SRCAP: variants seen among roughly 807,000 people sequenced by gnomAD.
The protein encoded by SRCAP is Snf2 related CREBBP activator protein, also known as chromatin remodeling protein SRCAP.
Under a neutral mutation model 263.1 loss-of-function variants are expected in SRCAP, and 46 were observed. That is an observed-to-expected ratio of 0.17 (90% CI 0.14 to 0.22). SRCAP has a LOEUF of 0.22. Among genes scored for constraint, SRCAP ranks in the 10% least tolerant of loss-of-function variants. The probability of loss-of-function intolerance (pLI) is 1.00; values close to 1 mark genes in which losing one functional copy is unlikely to be tolerated. For missense variants in SRCAP, 3,695 were observed against 4,181.9 expected, an observed-to-expected ratio of 0.88 and a Z score of 3.21; for synonymous variants, 1,813 against 1,662.1, an observed-to-expected ratio of 1.09 and a Z score of -2.21.
In SRCAP at chr16:30,729,495, G is replaced by A. The variant is rs754274438; in HGVS notation, c.6050G>A (p.Arg2017Gln). ...CAATTGGCCTCTGAGCTCTGGCCCCGGGCTCGTCCTTTGCACCGTATTGTG... is the reference window on the plus strand; with the variant it reads ...CAATTGGCCTCTGAGCTCTGGCCCCAGGCTCGTCCTTTGCACCGTATTGTG... ...QEQLASELWP[R>Q]ARPLHRIVCN... The change falls in exon 27 of 34, where the codon CGG (arginine) becomes CAG (glutamine). Residue 2017 changes from arginine (R) to glutamine (Q), a missense_variant. Arg to Gln is a conservative substitution (Grantham distance 43). Transcript: ENST00000262518. 2.7e-5 allele frequency: 44 copies of A among 1,614,022 alleles called. No individual in the cohort carries two copies. Among genetic ancestry groups the A allele is most frequent in the Middle Eastern group, 3.3e-4 (2 of 6,084 alleles).
intron 4 of SRCAP, among the ~76,000 whole-genome samples, chr16:30,705,256 T>A (rs1294108224): frequency 6.6e-6 from 1 of 152,048 alleles, no homozygotes; most frequent in Non-Finnish European, 1.5e-5. Flanking sequence ...CCTGAGATGA[T>A]GCCACTGCAC....
At chr16:30,711,180 C>T in intron 10 of SRCAP, 92 bp downstream of exon 10, 2 of 945,030 alleles carry the variant, frequency 2.1e-6, no homozygotes, top group Admixed American at 4.0e-5. Context: ...ACTTTGTATC[C>T]ACCCTGGAGG....
At chr16:30,731,436 C>T (rs781665477) in intron 27 of SRCAP, among the ~76,000 whole-genome samples, 6 of 151,834 alleles carry the variant, frequency 4.0e-5, no homozygotes, top group Admixed American at 6.6e-5. Context: ...TAACATGTTT[C>T]GAGATTTTTT....
chr16:30,726,732 G>A (rs2053068036), intron 25 of SRCAP, among the ~76,000 whole-genome samples: 1 of 151,982 alleles, frequency 6.6e-6, no homozygotes, highest in African/African-American at 2.4e-5. Context: ...ACAGAATCTT[G>A]CTCTGTTGCC....
chr16:30,729,719 T>C (rs1009431035), intron 27 of SRCAP, 147 bp downstream of exon 27: 20 of 861,000 alleles, frequency 2.3e-5, no homozygotes, highest in Non-Finnish European at 2.7e-5. Flanking sequence ...ATGGGCAAGA[T>C]AGAGAAATGT....
At chr16:30,700,579 A>G (rs1220903905) in intron 2 of SRCAP, 37 bp from the exon 3 acceptor site, 3 of 414,012 alleles carry the variant, frequency 7.2e-6, no homozygotes, top group Non-Finnish European at 1.3e-5. Flanking sequence ...CTTTAACTGC[A>G]TTTCTGTCTT....
intron 33 of SRCAP, 22 bp downstream of exon 33, chr16:30,736,646 G>T: frequency 2.5e-6 from 4 of 1,611,602 alleles, no homozygotes; most frequent in Non-Finnish European, 3.4e-6. Context: ...CAGGGGTGGG[G>T]CTGGCAGTTG....
At position 30,724,063 on chromosome 16, in the gene SRCAP, C is replaced by T; in HGVS notation, c.4639C>T (p.Pro1547Ser). 1 of 1,613,788 alleles carries T rather than the reference C, an allele frequency of 6.2e-7. No homozygotes were observed. The highest frequency in any genetic ancestry group is 8.5e-7 in the Non-Finnish European group (1 of 1,180,028). The change falls in exon 25 of 34, where the codon CCT (proline) becomes TCT (serine). Residue 1547 changes from proline (P) to serine (S), a missense_variant. Physicochemically the swap from Pro to Ser is moderately conservative, Grantham distance 74. This residue lies in a region of SRCAP where 1,347 missense variants were observed against 1,304.4 expected (regional missense o/e 1.03). Coordinates refer to ENST00000262518, the MANE Select transcript of SRCAP (RefSeq NM_006662.3). ...CTCAACCGTGGCCCCAGCATGCTCA[C>T]CTGTCCTGGTGCCAGCTTCGGCTCT... ...LNSTVAPACSPVLVPASALAS... is the reference protein window; with the variant it reads ...LNSTVAPACSSVLVPASALAS...
intron 4 of SRCAP, among the ~76,000 whole-genome samples, chr16:30,704,745 G>T (rs76680831): frequency 1.3e-5 from 2 of 152,078 alleles, no homozygotes; most frequent in African/African-American, 4.8e-5. Context: ...AGGAGCCTGA[G>T]TTGAGAGGAT....
chr16:30,734,487 A>G lies in SRCAP; in HGVS notation c.6610-9A>G, dbSNP rs2053141201. Reference sequence around the variant, plus strand: ...TGACTCTGACACTTCCCTCTGTTCTATCCGATAGCAGACCATCCGAGAGCT... The same window carrying G: ...TGACTCTGACACTTCCCTCTGTTCTGTCCGATAGCAGACCATCCGAGAGCT... On this transcript the variant is annotated splice_polypyrimidine_tract_variant and intron_variant, in intron 30 of 33. Coordinates refer to ENST00000262518, the MANE Select transcript of SRCAP (RefSeq NM_006662.3). The G allele has an allele frequency of 6.2e-7, 1 of 1,613,938 alleles. No individual in the cohort carries two copies. The highest frequency in any genetic ancestry group is 8.5e-7 in the Non-Finnish European group (1 of 1,179,970).
At chr16:30,707,777 G>A (rs750152871) in intron 6 of SRCAP, 65 bp downstream of exon 6, 79 of 1,580,886 alleles carry the variant, frequency 5.0e-5, no homozygotes, top group Non-Finnish European at 6.2e-5. Flanking sequence ...CGTGGTAGTA[G>A]GAATGATCAA....
chr16:30,733,520 C>T lies in SRCAP; in HGVS notation c.6297+71C>T, dbSNP rs1026487635. The T allele has an allele frequency of 6.2e-7, 1 of 1,605,872 alleles. No individual in the cohort carries two copies. Among genetic ancestry groups the T allele is most frequent in the Admixed American group, 1.7e-5 (1 of 59,446 alleles). On this transcript the variant is annotated intron_variant, in intron 28 of 33. Coordinates refer to ENST00000262518, the MANE Select transcript of SRCAP (RefSeq NM_006662.3). This position sits in a 1 kb window ranked among gnomAD's most constrained non-coding sequence, Gnocchi z 5.3. ...TCTCCTTTTCCCAGGATTTGGGCTT[C>T]CAGACGGGGTGCCACTAAGCCTTTA...
At chr16:30,710,877 C>A (rs1245954922) in intron 9 of SRCAP, 30 bp downstream of exon 9, 2 of 1,610,410 alleles carry the variant, frequency 1.2e-6, no homozygotes, top group Admixed American at 3.3e-5. Context: ...TCCTATTGCC[C>A]CTTACCCCTT....
intron 16 of SRCAP, among the ~76,000 whole-genome samples, chr16:30,715,602 A>G (rs1205209844): frequency 6.6e-6 from 1 of 151,734 alleles, no homozygotes; most frequent in African/African-American, 2.4e-5. Flanking sequence ...GTCTTCCTTA[A>G]CTATTACTTT....
chr16:30,710,824 A>G lies in SRCAP; in HGVS notation c.1205A>G (p.Glu402Gly). Residue 402 changes from glutamate (E) to glycine (G), a missense_variant, in exon 9 of 34, where the codon GAG (glutamate) becomes GGG (glycine). Coordinates refer to ENST00000262518, the MANE Select transcript of SRCAP (RefSeq NM_006662.3). The part of the protein sequence containing the change: ...QPWHPDEDDE[E>G]FTANEEEAED... ...TGGCATCCAGATGAAGATGATGAAG[A>G]GTTTACTGCCAACGAAGAGGAAGGT... is the stretch of plus-strand genomic sequence containing the variant. 6.2e-7 allele frequency: 1 copy of G among 1,614,220 alleles called. No individual in the cohort carries two copies. Among genetic ancestry groups the G allele is most frequent in the Non-Finnish European group, 8.5e-7 (1 of 1,180,032 alleles).
In SRCAP at chr16:30,721,436, G is replaced by A. The variant is rs1210081631; in HGVS notation, c.3501G>A (p.Gln1167=). 6.2e-7 allele frequency: 1 copy of A among 1,612,582 alleles called. No homozygotes were observed. The highest frequency in any genetic ancestry group is 1.3e-5 in the African/African-American group (1 of 74,946). Residue 1167 remains glutamine (Q), a synonymous_variant, in exon 21 of 34, where the codon CAG becomes CAA. Transcript: ENST00000262518. ...TAVPAPTPAP[Q]RLILSPDMQA... ...TGCCAGCTCCGACTCCTGCACCACA[G>A]CGCCTCATTCTATCTCCCGATATGC...
chr16:30,712,576 T>C, intron 13 of SRCAP, 103 bp from the exon 14 acceptor site: 1 of 1,557,586 alleles, frequency 6.4e-7, no homozygotes. Context: ...GTGTAGGTGC[T>C]AGGATTCCTA....
At position 30,738,851 on chromosome 16, in the gene SRCAP, A is replaced by G. The variant is rs771344186; in HGVS notation, c.8811A>G (p.Arg2937=). The G allele has an allele frequency of 2.8e-5, 45 of 1,614,014 alleles. No individual in the cohort carries two copies. In the African/African-American group the frequency reaches 5.3e-4, roughly 19 times the overall value. ...CCCTCCTGTCACCTGTGGAGAAAAG[A>G]AGGCGAGGACGACCCCCTAAAGCAC... is the stretch of plus-strand genomic sequence containing the variant. ...PNPLLSPVEK[R]RRGRPPKARD... The change falls in exon 34 of 34, where the codon AGA becomes AGG. Residue 2937 remains arginine, a synonymous_variant. Transcript: ENST00000262518.
chr16:30,699,450 G>A (rs1434348219), intron 1 of SRCAP, among the ~76,000 whole-genome samples: 1 of 152,132 alleles, frequency 6.6e-6, no homozygotes, highest in Admixed American at 6.6e-5. Context: ...TTGTATTTGG[G>A]GAAGTGTCTC....
Sources: allele counts gnomAD v4.1 joint callset (sites outside exome capture counted in the v4.1 genomes callset), GRCh38; gene constraint gnomAD v4.1.1; regional missense constraint gnomAD v4.1.1; non-coding constraint Gnocchi (gnomAD v3.1); transcripts MANE v1.5; gene names NCBI Gene and HGNC (gene_info 2026-07-23, HGNC 2026-07-21).